Variants in MACROD2 observed in about 807,000 individuals in gnomAD.
MACROD2 encodes ADP-ribose glycohydrolase MACROD2.
Under a neutral mutation model 70.4 loss-of-function variants are expected in MACROD2, and 36 were observed. That is an observed-to-expected ratio of 0.51 (90% CI 0.39 to 0.68). The LOEUF (loss-of-function observed/expected upper bound fraction) is 0.68, where lower values mean the gene tolerates loss of function less well. Ranked by LOEUF, MACROD2 falls within the 30% of genes least tolerant of loss-of-function variation. The probability of loss-of-function intolerance (pLI) is 0.00; values close to 1 mark genes in which losing one functional copy is unlikely to be tolerated. For synonymous variants in MACROD2, 172 were observed against 178.8 expected, an observed-to-expected ratio of 0.96 and a Z score of 0.30; for missense variants, 496 against 538.4, an observed-to-expected ratio of 0.92 and a Z score of 0.78.
chr20:14,522,197 C>A (rs1241610731), intron 4 of MACROD2, among the ~76,000 whole-genome samples: 1 of 152,092 alleles, frequency 6.6e-6, no homozygotes, highest in Non-Finnish European at 1.5e-5. Flanking sequence ...GTTAAAAAAG[C>A]TATTCTATTT....
chr20:14,995,487 G>C lies in MACROD2; in HGVS notation c.419-234453G>C, dbSNP rs1209395878. On this transcript the variant is annotated intron_variant, in intron 5 of 17. Transcript: ENST00000684519. ...ACCAAGGAGTTCAAGCCCAGCCTAG[G>C]CAGCGAAGTGAGACCCTGCCTCTAC... Among the ~76,000 whole-genome samples the C allele has an allele frequency of 3.3e-5, 5 of 151,958 alleles. 1 individual carries two copies. The highest frequency in any genetic ancestry group is 1.2e-4 in the African/African-American group (5 of 41,382).
In MACROD2 at chr20:15,528,228, G is replaced by A. The variant is rs535294915; in HGVS notation, c.645+28381G>A. Among the ~76,000 whole-genome samples the A allele has an allele frequency of 5.9e-5, 9 of 152,162 alleles. No individual in the cohort carries two copies. The South Asian group carries it at 8.3e-4, about 14-fold the overall frequency. ...TGGCTCACTGTAACCTCCACCTCCC[G>A]GGCTCAAACAATTCTCCTGCCTCAG... On this transcript the variant is annotated intron_variant, in intron 8 of 17. Coordinates refer to ENST00000684519, the MANE Select transcript of MACROD2 (RefSeq NM_001351661.2).
At chr20:14,825,247 T>C (rs925897148) in intron 5 of MACROD2, among the ~76,000 whole-genome samples, 1 of 152,004 alleles carries the variant, frequency 6.6e-6, no homozygotes, top group Non-Finnish European at 1.5e-5. Flanking sequence ...GCCACAGAGA[T>C]GCCTAGCAGT....
At chr20:15,129,724 G>A (rs1020694287) in intron 5 of MACROD2, among the ~76,000 whole-genome samples, 5 of 152,176 alleles carry the variant, frequency 3.3e-5, no homozygotes, top group African/African-American at 9.6e-5. Context: ...TTCTTTGCTT[G>A]TAACTTTAAT....
intron 3 of MACROD2, among the ~76,000 whole-genome samples, chr20:14,457,538 A>G (rs1275497159): frequency 6.6e-6 from 1 of 152,142 alleles, no homozygotes; most frequent in East Asian, 1.9e-4. Flanking sequence ...TTCTCATCTT[A>G]GTTGCATACA....
At chr20:14,111,117 G>A (rs568608338) in intron 3 of MACROD2, among the ~76,000 whole-genome samples, 1 of 152,056 alleles carries the variant, frequency 6.6e-6, no homozygotes, top group East Asian at 1.9e-4. Flanking sequence ...AACATACATT[G>A]GGGAAAAGAC....
At chr20:15,888,386 C>G (rs1382695034) in intron 10 of MACROD2, among the ~76,000 whole-genome samples, 1 of 152,068 alleles carries the variant, frequency 6.6e-6, no homozygotes, top group Admixed American at 6.6e-5. Context: ...ATGAAATGTC[C>G]TTGGAGTATC....
At chr20:14,532,706 A>G (rs2085321650) in intron 4 of MACROD2, among the ~76,000 whole-genome samples, 1 of 152,140 alleles carries the variant, frequency 6.6e-6, no homozygotes, top group South Asian at 2.1e-4. Flanking sequence ...CCTGTTGTTC[A>G]AATATACGCT....
chr20:15,911,400 A>C (rs1377483141), intron 10 of MACROD2, among the ~76,000 whole-genome samples: 1 of 152,232 alleles, frequency 6.6e-6, no homozygotes, highest in Non-Finnish European at 1.5e-5. Context: ...AGTTAGGAGG[A>C]CATAATGTCA....
intron 4 of MACROD2, among the ~76,000 whole-genome samples, chr20:14,581,735 C>T (rs1372638775): frequency 1.3e-5 from 2 of 152,172 alleles, no homozygotes; most frequent in Admixed American, 6.5e-5. Context: ...TCCCATCATC[C>T]ATTGCTGTTG....
At chr20:14,189,620 A>C (rs1056449055) in intron 3 of MACROD2, among the ~76,000 whole-genome samples, 3 of 152,196 alleles carry the variant, frequency 2.0e-5, no homozygotes, top group Non-Finnish European at 4.4e-5. Context: ...GGATAGCGTG[A>C]GGCTGGCTGA....
Position 15,287,551 on chromosome 20 carries a change from A to T in MACROD2, c.540+57490A>T, listed in dbSNP as rs980302279. On this transcript the variant is annotated intron_variant, in intron 6 of 17. Coordinates refer to ENST00000684519, the MANE Select transcript of MACROD2 (RefSeq NM_001351661.2). Reference sequence around the variant, plus strand: ...GTATGTGTATAAATCTTATAAAACTACCTATTGGACAGCATTTTATGATGG... The same window carrying T: ...GTATGTGTATAAATCTTATAAAACTTCCTATTGGACAGCATTTTATGATGG... 7.2e-5 allele frequency among the ~76,000 whole-genome samples: 11 copies of T among 152,190 alleles called. No individual in the cohort carries two copies. In the South Asian group the frequency reaches 1.0e-3, roughly 14 times the overall value.
intron 15 of MACROD2, among the ~76,000 whole-genome samples, chr20:15,989,449 C>T (rs6034343): frequency 0.64 from 97,002 of 151,982 alleles, 31,670 homozygotes; most frequent in Non-Finnish European, 0.71. Context: ...ATAAACACTT[C>T]CTTGTTTGTC....
intron 3 of MACROD2, among the ~76,000 whole-genome samples, chr20:14,269,739 C>A (rs2082174707): frequency 6.6e-6 from 1 of 151,596 alleles, no homozygotes; most frequent in South Asian, 2.1e-4. Flanking sequence ...AACACTGAAG[C>A]CATTCTTTAA....
chr20:15,387,820 C>G (rs543450430), intron 6 of MACROD2, among the ~76,000 whole-genome samples: 326 of 151,176 alleles, frequency 2.2e-3, no homozygotes, highest in Non-Finnish European at 3.1e-3. Flanking sequence ...TCACCGCAGC[C>G]TTGAACTCCA....
intron 12 of MACROD2, among the ~76,000 whole-genome samples, chr20:15,951,782 T>C (rs1056563048): frequency 2.0e-5 from 3 of 152,214 alleles, no homozygotes; most frequent in Non-Finnish European, 4.4e-5. Context: ...TCAAAAAGCA[T>C]GTAAACCCAT....
At chr20:15,479,359 G>A (rs901630924) in intron 7 of MACROD2, among the ~76,000 whole-genome samples, 3 of 133,962 alleles carry the variant, frequency 2.2e-5, no homozygotes, top group Non-Finnish European at 3.1e-5. Context: ...TGCAAGCTCC[G>A]CCTCCCGGGT....
intron 5 of MACROD2, among the ~76,000 whole-genome samples, chr20:15,178,009 A>G (rs1362500312): frequency 6.6e-6 from 1 of 151,876 alleles, no homozygotes; most frequent in African/African-American, 2.4e-5. Flanking sequence ...TACACTTTGC[A>G]TCAGAGTTGT....
chr20:15,830,155 A>C (rs16996640), intron 8 of MACROD2, among the ~76,000 whole-genome samples: 2 of 152,170 alleles, frequency 1.3e-5, no homozygotes, highest in African/African-American at 2.4e-5. Flanking sequence ...AGTGGACAAC[A>C]TAGGTGGAGA....
Sources: allele counts gnomAD v4.1 joint callset (sites outside exome capture counted in the v4.1 genomes callset), GRCh38; gene constraint gnomAD v4.1.1; transcripts MANE v1.5; gene names NCBI Gene and HGNC (gene_info 2026-07-23, HGNC 2026-07-21).